FAM135B: variants seen among roughly 807,000 people sequenced by gnomAD.
FAM135B encodes family with sequence similarity 135 member B.
In FAM135B, 43 loss-of-function variants were observed where a neutral mutation model predicts 127.7. The observed-to-expected ratio is 0.34, with a 90% CI of 0.26 to 0.43. The LOEUF is 0.43. FAM135B is among the 20% of genes least tolerant of loss of function. FAM135B has a pLI of 1.00. For synonymous variants in FAM135B, 670 were observed against 665.1 expected (o/e 1.01, Z -0.11); for missense variants, 1,558 against 1,725.6 (o/e 0.90, Z 1.72).
intron 1 of FAM135B, among the ~76,000 whole-genome samples, chr8:138,384,936 T>C (rs956579420): frequency 1.3e-5 from 2 of 152,154 alleles, no homozygotes; most frequent in Non-Finnish European, 2.9e-5. Context: ...CATGTCATCC[T>C]CCAGCGACCT....
At chr8:138,233,656 T>C (rs994624711) in intron 7 of FAM135B, among the ~76,000 whole-genome samples, 3 of 151,904 alleles carry the variant, frequency 2.0e-5, no homozygotes, top group Non-Finnish European at 4.4e-5. Flanking sequence ...AAAGCAAAAA[T>C]AGATGAGCAG....
chr8:138,181,663 C>T (rs920226278), intron 9 of FAM135B, among the ~76,000 whole-genome samples: 2 of 151,656 alleles, frequency 1.3e-5, no homozygotes, highest in African/African-American at 4.8e-5. Flanking sequence ...ACCAGGTAAC[C>T]ATTTCAGAAG....
intron 11 of FAM135B, among the ~76,000 whole-genome samples, chr8:138,169,125 A>G (rs185355335): frequency 5.7e-4 from 87 of 152,234 alleles, no homozygotes; most frequent in African/African-American, 2.0e-3. Flanking sequence ...TAATATACAT[A>G]GTGAATTTAC....
Position 138,243,200 on chromosome 8 carries a change from G to A in FAM135B, c.543-132C>T. The A allele has an allele frequency of 5.7e-6, 6 of 1,047,256 alleles. No homozygotes were observed. Among genetic ancestry groups the A allele is most frequent in the Non-Finnish European group, 8.0e-6 (6 of 753,556 alleles). 64.9% of individuals were successfully genotyped at this position (1,047,256 alleles called of 1,614,324 possible). A position where few individuals can be genotyped will look rare whatever the true frequency, so the allele number is the denominator to read the frequency against. ...ATTTAGGAGTAGTTCACCCCCTAGG[G>A]AGTGTTTGCATGTGACATTTGTGGA... On this transcript the variant is annotated intron_variant, in intron 6 of 19. Coordinates refer to ENST00000395297, the MANE Select transcript of FAM135B (RefSeq NM_015912.4). The surrounding 1 kb of genome is among the most constrained non-coding windows in gnomAD (Gnocchi z 7.5).
chr8:138,170,939 C>A (rs1408378885), intron 11 of FAM135B, among the ~76,000 whole-genome samples: 3 of 152,128 alleles, frequency 2.0e-5, no homozygotes, highest in Non-Finnish European at 2.9e-5. Context: ...TCTTCCCCTG[C>A]CCTTAGATGT....
intron 11 of FAM135B, among the ~76,000 whole-genome samples, chr8:138,169,720 G>A (rs1820259653): frequency 6.6e-6 from 1 of 152,102 alleles, no homozygotes. Flanking sequence ...AACTTAGGCT[G>A]GTGTGCACAG....
intron 1 of FAM135B, among the ~76,000 whole-genome samples, chr8:138,487,656 G>C (rs942376228): frequency 6.8e-6 from 1 of 146,498 alleles, no homozygotes; most frequent in African/African-American, 2.5e-5. Flanking sequence ...CGGGGCAGGG[G>C]CTGGGCAGGG....
rs34005300 is a variant in FAM135B at position 138,362,283 on chromosome 8, C to CTTTTT, written c.77+5619_77+5623dup. ...CTCTCACCATCCCCCACCCCCATAT[C>CTTTTT]TTTTTTTTTTTTTTTTTTTTTACCA... On this transcript the variant is annotated intron_variant, in intron 2 of 19. Transcript: ENST00000395297. 1.9e-4 allele frequency among the ~76,000 whole-genome samples: 19 copies of CTTTTT among 99,190 alleles called. 1 individual carries two copies. The highest frequency in any genetic ancestry group is 2.5e-4 in the Admixed American group (2 of 8,056). 65.1% of individuals were successfully genotyped at this position (99,190 alleles called of 152,430 possible). A position where few individuals can be genotyped will look rare whatever the true frequency, so the allele number is the denominator to read the frequency against.
intron 1 of FAM135B, among the ~76,000 whole-genome samples, chr8:138,491,142 C>CAAAAAAAA (rs796189435): frequency 4.1e-5 from 3 of 73,650 alleles, no homozygotes; most frequent in South Asian, 5.4e-4. Context: ...AACTCTCTCT[C>CAAAAAAAA]AAAAAAAAAA....
intron 9 of FAM135B, among the ~76,000 whole-genome samples, chr8:138,192,486 A>C (rs1816220888): frequency 1.3e-5 from 2 of 152,212 alleles, no homozygotes; most frequent in Non-Finnish European, 2.9e-5. Context: ...GACCCTCCTC[A>C]AATTGCTTCT....
chr8:138,147,095 A>C lies in FAM135B; in HGVS notation c.3449-1045T>G, dbSNP rs373877439. Among the ~76,000 whole-genome samples, 10 of 152,294 alleles carry C rather than the reference A, an allele frequency of 6.6e-5. 1 individual carries two copies. Among genetic ancestry groups the C allele is most frequent in the Admixed American group, 3.9e-4 (6 of 15,306 alleles). ...CTATGTTGGTGGCCTGTCAGAGTACATGCCCAAACTTGTAGAGTCACAGTC... is the reference window on the plus strand; with the variant it reads ...CTATGTTGGTGGCCTGTCAGAGTACCTGCCCAAACTTGTAGAGTCACAGTC... On this transcript the variant is annotated intron_variant, in intron 14 of 19. Transcript: ENST00000395297.
rs2130903870 is a variant in FAM135B at position 138,168,046 on chromosome 8, T to C, written c.1107A>G (p.Ile369Met). Residue 369 changes from isoleucine to methionine, a missense_variant, in exon 12 of 20, where the codon ATA becomes ATG. Ile to Met is a conservative substitution (Grantham distance 10, BLOSUM62 1). Coordinates refer to ENST00000395297, the MANE Select transcript of FAM135B (RefSeq NM_015912.4). The part of the protein sequence containing the change: ...LAVLTFQENL[I>M]QTHSQLSLDI... ...CCAGGGACAGCTGGCTGTGCGTCTG[T>C]ATCCTGGGGAGCACATGGCAGGGTG... 6 of 1,611,656 alleles carry C rather than the reference T, an allele frequency of 3.7e-6. No individual in the cohort carries two copies. Among genetic ancestry groups the C allele is most frequent in the Non-Finnish European group, 5.1e-6 (6 of 1,178,772 alleles).
rs1322784193 is a variant in FAM135B, at chr8:138,148,579, T to C, written c.3389A>G (p.Glu1130Gly). The change falls in exon 14 of 20, where the codon GAA becomes GGA. Residue 1130 changes from glutamate to glycine, a missense_variant. Glu to Gly is a moderately conservative substitution (Grantham distance 98). This residue lies in a region of FAM135B where 923 missense variants were observed against 865.3 expected (regional missense o/e 1.07). Transcript: ENST00000395297. The part of the protein sequence containing the change: ...ASDIPYFPPE[E>G]EEENLEDGIH... ...TCCATCTTCCAAATTTTCTTCCTCT[T>C]CCTCTGGTGGGAAATATGGTATATC... 6.2e-7 allele frequency: 1 copy of C among 1,613,970 alleles called. No homozygotes were observed.
intron 9 of FAM135B, among the ~76,000 whole-genome samples, chr8:138,187,659 G>T (rs1020139246): frequency 2.6e-5 from 4 of 152,212 alleles, no homozygotes; most frequent in African/African-American, 9.6e-5. Context: ...TTCTGTCACA[G>T]AGCTTCTATT....
At chr8:138,257,696 C>T (rs1822198142) in intron 4 of FAM135B, among the ~76,000 whole-genome samples, 4 of 152,062 alleles carry the variant, frequency 2.6e-5, no homozygotes, top group Admixed American at 1.3e-4. Flanking sequence ...TGGTATTTAA[C>T]GGTGCCTATT....
chr8:138,266,640 T>C (rs1390072263), intron 3 of FAM135B, among the ~76,000 whole-genome samples: 1 of 148,706 alleles, frequency 6.7e-6, no homozygotes, highest in African/African-American at 2.5e-5. Flanking sequence ...TATATATACG[T>C]ATATATACAT....
intron 12 of FAM135B, among the ~76,000 whole-genome samples, chr8:138,156,838 C>T (rs144582273): frequency 0.33 from 50,616 of 151,938 alleles, 9,298 homozygotes; most frequent in East Asian, 0.53. Context: ...CAGGACCAGA[C>T]GGATTCACAG....
chr8:138,447,350 G>A (rs1836234384), intron 1 of FAM135B, among the ~76,000 whole-genome samples: 1 of 151,892 alleles, frequency 6.6e-6, no homozygotes, highest in Non-Finnish European at 1.5e-5. Flanking sequence ...AAAGACACAT[G>A]CACACATATG....
At chr8:138,322,920 G>A (rs1827548915) in intron 2 of FAM135B, among the ~76,000 whole-genome samples, 1 of 152,172 alleles carries the variant, frequency 6.6e-6, no homozygotes, top group African/African-American at 2.4e-5. Flanking sequence ...AGGCCTTGGT[G>A]TTCCAAAAGA....
Sources: gnomAD v4.1 joint callset for allele counts (sites outside exome capture counted in the v4.1 genomes callset) on GRCh38, gnomAD v4.1.1 for gene constraint, gnomAD v4.1.1 regional missense constraint, Gnocchi (gnomAD v3.1) non-coding constraint, MANE v1.5 for transcripts, NCBI Gene and HGNC (gene_info 2026-07-23, HGNC 2026-07-21) for gene names.